Variants in CES1 observed in about 807,000 individuals in gnomAD.
CES1 encodes the protein carboxylesterase 1, also known as liver carboxylesterase 1.
CES1 carries 50 observed loss-of-function variants against 53.0 expected under a neutral mutation model. The observed-to-expected ratio is 0.94, with a 90% CI of 0.75 to 1.19. The LOEUF (loss-of-function observed/expected upper bound fraction) is 1.19, where lower values mean the gene tolerates loss of function less well. Among genes scored for constraint, CES1 ranks in the 50% most tolerant of loss-of-function variants. The probability of loss-of-function intolerance (pLI) is 0.00; values close to 1 mark genes in which losing one functional copy is unlikely to be tolerated. For synonymous variants in CES1, 202 were observed against 210.1 expected, an observed-to-expected ratio of 0.96 and a Z score of 0.33; for missense variants, 534 against 538.0, an observed-to-expected ratio of 0.99 and a Z score of 0.07.
chr16:55,817,746 C>CTG (rs1436839948), intron 7 of CES1, among the ~76,000 whole-genome samples: 2 of 140,582 alleles, frequency 1.4e-5, no homozygotes, highest in Non-Finnish European at 3.0e-5. Context: ...ATGTGTTTCT[C>CTG]TGTGTGTGTG....
Position 55,810,986 on chromosome 16 carries a change from C to T in CES1, c.1111G>A (p.Glu371Lys), listed in dbSNP as rs185780477. 26 of 1,610,896 alleles carry T rather than the reference C, an allele frequency of 1.6e-5. No homozygotes were observed. The highest frequency in any genetic ancestry group is 1.7e-4 in the Middle Eastern group (1 of 6,046). The stretch of plus-strand genomic sequence containing the variant: ...GCTGTCTTCTGGTCCAGTTGCCCTT[C>T]GGAGAGTGGATAGCTCATCAACTGC... Reference protein sequence around the residue: ...PMQLMSYPLSEGQLDQKTAMS... With the variant: ...PMQLMSYPLSKGQLDQKTAMS... The change falls in exon 10 of 14, where the codon GAA becomes AAA. Residue 371 changes from glutamate (E) to lysine (K), a missense_variant. This residue lies in a region of CES1 where 269 missense variants were observed against 206.6 expected (regional missense o/e 1.30). Transcript: ENST00000360526.
In CES1 at chr16:55,809,093, C is replaced by CAAAAAAAAAAAAAAAAAAAA. The variant is rs376932562; in HGVS notation, c.1318+1423_1318+1424insTTTTTTTTTTTTTTTTTTTT. Among the ~76,000 whole-genome samples, 6 of 72,056 alleles carry CAAAAAAAAAAAAAAAAAAAA rather than the reference C, an allele frequency of 8.3e-5. 2 individuals carry two copies. Among genetic ancestry groups the CAAAAAAAAAAAAAAAAAAAA allele is most frequent in the Non-Finnish European group, 1.1e-4 (4 of 37,780 alleles). The allele number at this position is 72,056 out of a possible 152,430, so 47.3% of individuals were successfully genotyped here. On this transcript the variant is annotated intron_variant, in intron 11 of 13. Transcript: ENST00000360526. ...GTAGATAAAATCTGTGTAGTCCTGG[C>CAAAAAAAAAAAAAAAAAAAA]AAAAAAAAAAAAAAAAAAGCCCTGA... is the stretch of plus-strand genomic sequence containing the variant.
intron 3 of CES1, 97 bp from the exon 4 acceptor site, chr16:55,823,780 G>C: frequency 6.2e-7 from 1 of 1,601,306 alleles, no homozygotes; most frequent in Non-Finnish European, 8.5e-7. Context: ...GGTTACAACT[G>C]AAGGAGGATG....
intron 9 of CES1, among the ~76,000 whole-genome samples, chr16:55,812,676 T>C (rs1193899308): frequency 6.6e-6 from 1 of 152,060 alleles, no homozygotes; most frequent in Non-Finnish European, 1.5e-5. Flanking sequence ...GATTCTTCAA[T>C]AGGAAGACAA....
intron 3 of CES1, among the ~76,000 whole-genome samples, chr16:55,825,816 C>G (rs1400348273): frequency 2.0e-5 from 3 of 152,198 alleles, no homozygotes; most frequent in African/African-American, 7.2e-5. Flanking sequence ...CTTTCCACCA[C>G]TAACATTGAA....
chr16:55,831,250 C>T (rs1453429132), intron 1 of CES1, among the ~76,000 whole-genome samples: 2 of 152,068 alleles, frequency 1.3e-5, no homozygotes, highest in East Asian at 1.9e-4. Context: ...TCTTTGAAGC[C>T]CAGGGAGCAA....
rs1454708070 is a variant in CES1 at position 55,830,819 on chromosome 16, A to AAGGAAGGAAGGAAGGC, written c.53-1846_53-1845insGCCTTCCTTCCTTCCT. On this transcript the variant is annotated intron_variant, in intron 1 of 13. Coordinates refer to ENST00000360526, the MANE Select transcript of CES1 (RefSeq NM_001025195.2). ...GAAGGAAGGAAGGAAGGAAGGAAGG[A>AAGGAAGGAAGGAAGGC]AGGCAGGCAGGCAGGCAGGCAGGCA... is the stretch of plus-strand genomic sequence containing the variant. Among the ~76,000 whole-genome samples the AAGGAAGGAAGGAAGGC allele has an allele frequency of 4.7e-3, 594 of 127,146 alleles. 8 individuals carry two copies. The highest frequency in any genetic ancestry group is 0.011 in the African/African-American group (301 of 28,662). The allele number at this position is 127,146 out of a possible 152,430, so 83.4% of individuals were successfully genotyped here. A position where few individuals can be genotyped will look rare whatever the true frequency, so the allele number is the denominator to read the frequency against.
chr16:55,816,637 T>G (rs1349221065), intron 8 of CES1, among the ~76,000 whole-genome samples: 1 of 152,138 alleles, frequency 6.6e-6, no homozygotes, highest in Non-Finnish European at 1.5e-5. Context: ...ACAGTGCCAT[T>G]TTGGGGAGCA....
At chr16:55,826,870 G>A (rs1310918831) in intron 2 of CES1, among the ~76,000 whole-genome samples, 7 of 152,092 alleles carry the variant, frequency 4.6e-5, no homozygotes, top group Non-Finnish European at 7.4e-5. Context: ...GATGAACACT[G>A]GTAATAGTTA....
chr16:55,808,573 C>T (rs1371376779), intron 11 of CES1, among the ~76,000 whole-genome samples: 1 of 152,044 alleles, frequency 6.6e-6, no homozygotes. Flanking sequence ...CAATATTTGC[C>T]CAAAGTTCTA....
chr16:55,816,347 C>T lies in CES1; in HGVS notation c.945+577G>A, dbSNP rs370475846. Among the ~76,000 whole-genome samples the T allele has an allele frequency of 1.6e-3, 245 of 152,358 alleles. 1 individual carries two copies. The South Asian group carries it at 0.047, about 29-fold the overall frequency. ...TGCTGAATGAATCTCATGTACTCCG[C>T]CCATGACCATTTAGGAGAGTGCTGT... On this transcript the variant is annotated intron_variant, in intron 8 of 13. Coordinates refer to ENST00000360526, the MANE Select transcript of CES1 (RefSeq NM_001025195.2).
chr16:55,813,404 C>G (rs1475544784), intron 8 of CES1, among the ~76,000 whole-genome samples: 4 of 152,128 alleles, frequency 2.6e-5, no homozygotes, highest in Admixed American at 6.5e-5. Context: ...ATAAAGCCCC[C>G]GTGAGTACTG....
chr16:55,812,588 TC>T (rs2031745943), intron 9 of CES1, among the ~76,000 whole-genome samples: 1 of 152,104 alleles, frequency 6.6e-6, no homozygotes, highest in Admixed American at 6.5e-5. Context: ...CTCCACTCCT[TC>T]CCCCTTCTAG....
chr16:55,819,683 C>T (rs1375431123), intron 6 of CES1, 44 bp from the exon 7 acceptor site: 3 of 1,488,380 alleles, frequency 2.0e-6, no homozygotes, highest in Non-Finnish European at 2.8e-6. Flanking sequence ...AGCGACATCC[C>T]TTCCCTCCAT....
At chr16:55,827,277 CAATAATAATAAT>C (rs57486989) in intron 2 of CES1, among the ~76,000 whole-genome samples, 2 of 143,796 alleles carry the variant, frequency 1.4e-5, no homozygotes, top group Non-Finnish European at 3.0e-5. Context: ...AGAGGAATAA[CAATAATAATAAT>C]AATAATAATA....
intron 1 of CES1, among the ~76,000 whole-genome samples, 154 bp from the exon 2 acceptor site, chr16:55,829,128 C>G (rs1183649759): frequency 2.6e-5 from 4 of 151,966 alleles, no homozygotes; most frequent in Non-Finnish European, 5.9e-5. Flanking sequence ...GGATGACGAT[C>G]AATGTCCTCC....
chr16:55,827,155 A>ATCC (rs2032450813), intron 2 of CES1, among the ~76,000 whole-genome samples: 1 of 152,086 alleles, frequency 6.6e-6, no homozygotes, highest in Admixed American at 6.5e-5. Flanking sequence ...ACATGAGGAA[A>ATCC]CTGAGGCACT....
At chr16:55,817,095 G>A (rs1354087034) in intron 7 of CES1, 133 bp from the exon 8 acceptor site, 29 of 969,112 alleles carry the variant, frequency 3.0e-5, no homozygotes, top group South Asian at 5.1e-5. Context: ...TGTGACCTGC[G>A]GTGCTCCATC....
At position 55,813,049 on chromosome 16, in the gene CES1, G is replaced by A. The variant is rs2142319025; in HGVS notation, c.946-6C>T. 1.9e-6 allele frequency: 3 copies of A among 1,613,916 alleles called. No homozygotes were observed. The highest frequency in any genetic ancestry group is 4.5e-5 in the East Asian group (2 of 44,884). ...GTGCCCAGAAGGGGTTGACTCTGGG[G>A]AGAGAGCAGTGCAGCACCTGTGATT... On this transcript the variant is annotated splice_polypyrimidine_tract_variant and splice_region_variant and intron_variant, in intron 8 of 13. Transcript: ENST00000360526.
Sources: allele counts gnomAD v4.1 joint callset (sites outside exome capture counted in the v4.1 genomes callset), GRCh38; gene constraint gnomAD v4.1.1; regional missense constraint gnomAD v4.1.1; transcripts MANE v1.5; gene names NCBI Gene and HGNC (gene_info 2026-07-23, HGNC 2026-07-21).